Variants in PRKG2 observed in about 807,000 individuals in gnomAD.
The protein encoded by PRKG2 is protein kinase cGMP-dependent 2, also known as cGMP-dependent protein kinase 2.
In PRKG2, 33 loss-of-function variants were observed where a neutral mutation model predicts 97.2. The observed-to-expected ratio is 0.34, with a 90% CI of 0.26 to 0.45. The LOEUF (loss-of-function observed/expected upper bound fraction) is 0.45, where lower values mean the gene tolerates loss of function less well. Among genes scored for constraint, PRKG2 ranks in the 20% least tolerant of loss-of-function variants. PRKG2 has a pLI of 1.00. For synonymous variants in PRKG2, 330 were observed against 321.8 expected, an observed-to-expected ratio of 1.03 and a Z score of -0.27; for missense variants, 638 against 900.0, an observed-to-expected ratio of 0.71 and a Z score of 3.73.
intron 2 of PRKG2, among the ~76,000 whole-genome samples, chr4:81,179,220 A>G (rs770793649): frequency 2.0e-5 from 3 of 152,184 alleles, no homozygotes; most frequent in Non-Finnish European, 4.4e-5. Context: ...AACTCTGCAT[A>G]AAATAAATAC....
At chr4:81,089,825 CA>C in intron 18 of PRKG2, 22 bp from the exon 19 acceptor site, 2 of 1,547,364 alleles carry the variant, frequency 1.3e-6, no homozygotes, top group Non-Finnish European at 1.8e-6. Context: ...ATAATTAAAA[CA>C]AAAGGAAGAA....
chr4:81,138,002 A>G (rs1406390207), intron 12 of PRKG2, among the ~76,000 whole-genome samples: 1 of 152,174 alleles, frequency 6.6e-6, no homozygotes, highest in Non-Finnish European at 1.5e-5. Flanking sequence ...GCAATTGGAA[A>G]CAACACCTGT....
chr4:81,213,749 G>T (rs1754125753), intron 1 of PRKG2, among the ~76,000 whole-genome samples: 1 of 152,122 alleles, frequency 6.6e-6, no homozygotes, highest in Non-Finnish European at 1.5e-5. Context: ...AGACAATAAG[G>T]GATCACAGGA....
At chr4:81,208,196 G>A (rs1753781059) in intron 1 of PRKG2, among the ~76,000 whole-genome samples, 1 of 151,920 alleles carries the variant, frequency 6.6e-6, no homozygotes, top group African/African-American at 2.4e-5. Context: ...TCTACAAAAG[G>A]GAATATATTT....
intron 14 of PRKG2, among the ~76,000 whole-genome samples, chr4:81,121,460 T>C (rs1367504398): frequency 1.3e-5 from 2 of 152,338 alleles, no homozygotes; most frequent in Non-Finnish European, 2.9e-5. Context: ...TTATTAATTA[T>C]TGATTTAACT....
intron 8 of PRKG2, among the ~76,000 whole-genome samples, chr4:81,149,562 T>G (rs576803489): frequency 3.9e-5 from 6 of 152,182 alleles, no homozygotes; most frequent in Non-Finnish European, 8.8e-5. Flanking sequence ...AATATAGCAG[T>G]GCATCTTATA....
chr4:81,091,691 G>A (rs1741551719), intron 18 of PRKG2, among the ~76,000 whole-genome samples: 1 of 152,088 alleles, frequency 6.6e-6, no homozygotes, highest in Non-Finnish European at 1.5e-5. Flanking sequence ...ATGTATAAGA[G>A]GAAATATAGA....
At chr4:81,177,068 T>C (rs1750993095) in intron 2 of PRKG2, among the ~76,000 whole-genome samples, 1 of 152,194 alleles carries the variant, frequency 6.6e-6, no homozygotes, top group South Asian at 2.1e-4. Flanking sequence ...TGACTTAACT[T>C]ACTTTTTACC....
chr4:81,209,396 A>ATG (rs1045753981), intron 1 of PRKG2, among the ~76,000 whole-genome samples: 2 of 151,942 alleles, frequency 1.3e-5, no homozygotes, highest in African/African-American at 4.8e-5. Flanking sequence ...ACATATATAG[A>ATG]TGTGTGTGTA....
chr4:81,125,364 A>G (rs1745452176), intron 14 of PRKG2, among the ~76,000 whole-genome samples: 1 of 152,190 alleles, frequency 6.6e-6, no homozygotes, highest in Admixed American at 6.5e-5. Context: ...CACCTGTTCC[A>G]GAACTTTGAT....
chr4:81,100,995 G>T (rs543563054), intron 17 of PRKG2, among the ~76,000 whole-genome samples: 86 of 152,200 alleles, frequency 5.7e-4, no homozygotes, highest in African/African-American at 2.0e-3. Flanking sequence ...TCAGAGAAAT[G>T]CAAATCAAAG....
At chr4:81,108,140 G>A (rs1743538200) in intron 15 of PRKG2, among the ~76,000 whole-genome samples, 1 of 152,072 alleles carries the variant, frequency 6.6e-6, no homozygotes, top group African/African-American at 2.4e-5. Context: ...GGGAGGCAGA[G>A]GTTGCAGTGA....
At chr4:81,214,646 C>G (rs937914867) in intron 1 of PRKG2, among the ~76,000 whole-genome samples, 3 of 152,148 alleles carry the variant, frequency 2.0e-5, no homozygotes, top group Non-Finnish European at 4.4e-5. Context: ...ACCTAGAGAA[C>G]CCTGAGGACT....
intron 2 of PRKG2, among the ~76,000 whole-genome samples, chr4:81,189,066 TAA>T: frequency 2.9e-4 from 5 of 17,060 alleles, no homozygotes; most frequent in Non-Finnish European, 3.8e-4. Flanking sequence ...AAAAAAATAA[TAA>T]AAAAAAAAAA....
chr4:81,153,589 G>A, intron 7 of PRKG2, 55 bp downstream of exon 7: 1 of 1,403,050 alleles, frequency 7.1e-7, no homozygotes, highest in Non-Finnish European at 9.9e-7. Flanking sequence ...TTGAGTTTAT[G>A]GCAAACTGAT....
At chr4:81,156,587 A>G (rs1251714031) in intron 6 of PRKG2, among the ~76,000 whole-genome samples, 5 of 152,200 alleles carry the variant, frequency 3.3e-5, no homozygotes, top group Admixed American at 2.6e-4. Flanking sequence ...GACCTAATAG[A>G]CATCTACAGA....
At chr4:81,100,638 T>C (rs2109960020) in intron 17 of PRKG2, among the ~76,000 whole-genome samples, 1 of 152,264 alleles carries the variant, frequency 6.6e-6, no homozygotes, top group East Asian at 1.9e-4. Context: ...GGCAATACCA[T>C]TCAGGACATA....
intron 14 of PRKG2, among the ~76,000 whole-genome samples, chr4:81,117,106 T>C (rs1744620087): frequency 6.9e-6 from 1 of 144,844 alleles, no homozygotes; most frequent in South Asian, 2.4e-4. Context: ...AATCCTCCCA[T>C]CTCAGCCTCC....
rs58361616 is a variant in PRKG2, at chr4:81,116,985, C to CTTTTTTTTTTTTTTTTTT, written c.1777-6392_1777-6375dup. On this transcript the variant is annotated intron_variant, in intron 14 of 18. Coordinates refer to ENST00000264399, the MANE Select transcript of PRKG2 (RefSeq NM_006259.3). ...AGGTTATCTATTTACCCTGTTGTTA[C>CTTTTTTTTTTTTTTTTTT]TTTTTTTTTTTTTTTTTTTTTTTTT... Among the ~76,000 whole-genome samples the CTTTTTTTTTTTTTTTTTT allele has an allele frequency of 3.4e-4, 27 of 78,988 alleles. 4 individuals carry two copies. Among genetic ancestry groups the CTTTTTTTTTTTTTTTTTT allele is most frequent in the East Asian group, 9.3e-4 (2 of 2,140 alleles). 51.8% of individuals were successfully genotyped at this position (78,988 alleles called of 152,430 possible).
Sources: gnomAD v4.1 joint callset for allele counts (sites outside exome capture counted in the v4.1 genomes callset) on GRCh38, gnomAD v4.1.1 for gene constraint, MANE v1.5 for transcripts, NCBI Gene and HGNC (gene_info 2026-07-23, HGNC 2026-07-21) for gene names.